TBC1D24: variants seen among roughly 807,000 people sequenced by gnomAD.
The protein encoded by TBC1D24 is Infantile myoclonic epilepsy.
In TBC1D24, 47 loss-of-function variants were observed where a neutral mutation model predicts 50.7. That is an observed-to-expected ratio of 0.93 (90% CI 0.73 to 1.18). TBC1D24 has a LOEUF of 1.18. Among genes scored for constraint, TBC1D24 ranks in the 50% most tolerant of loss-of-function variants. TBC1D24 has a pLI of 0.00. For missense variants in TBC1D24, 688 were observed against 766.5 expected (o/e 0.90, Z 1.21); for synonymous variants, 324 against 335.2 (o/e 0.97, Z 0.36).
At chr16:2,492,330 G>C (rs1722475502) in intron 1 of TBC1D24, among the ~76,000 whole-genome samples, 1 of 152,176 alleles carries the variant, frequency 6.6e-6, no homozygotes, top group Non-Finnish European at 1.5e-5. Flanking sequence ...ATTCGCGGCA[G>C]TAAACACAAC....
chr16:2,500,312 C>T lies in TBC1D24; in HGVS notation c.1347C>T (p.His449=). The change falls in exon 7 of 8, where the codon CAC becomes CAT. Residue 449 remains histidine, a synonymous_variant. Coordinates refer to ENST00000646147, the MANE Select transcript of TBC1D24 (RefSeq NM_001199107.2). This position sits in a 1 kb window ranked among gnomAD's most constrained non-coding sequence, Gnocchi z 8.0. ...GCTACGAGTGGGTGGTGATCAAGCA[C>T]CCCGAGCTGACCAAGCCCCCACCCT... ...VQRYEWVVIK[H]PELTKPPPLM... 3.7e-6 allele frequency: 6 copies of T among 1,610,928 alleles called. No individual in the cohort carries two copies. Among genetic ancestry groups the T allele is most frequent in the Non-Finnish European group, 5.1e-6 (6 of 1,179,170 alleles).
intron 1 of TBC1D24, among the ~76,000 whole-genome samples, chr16:2,495,101 C>A (rs1360280694): frequency 1.3e-5 from 2 of 151,772 alleles, no homozygotes. Flanking sequence ...ACTTGTAATC[C>A]CAGCACTTTG....
rs1041668652 is a variant in TBC1D24 at position 2,475,543 on chromosome 16, G to T, written c.-116+373G>T. Among the ~76,000 whole-genome samples the T allele has an allele frequency of 2.6e-5, 4 of 152,050 alleles. No individual in the cohort carries two copies. Among genetic ancestry groups the T allele is most frequent in the Non-Finnish European group, 5.9e-5 (4 of 67,952 alleles). On this transcript the variant is annotated intron_variant, in intron 1 of 7. Coordinates refer to ENST00000646147, the MANE Select transcript of TBC1D24 (RefSeq NM_001199107.2). This position sits in a 1 kb window ranked among gnomAD's most constrained non-coding sequence, Gnocchi z 4.2. ...CCGCAGGGTCGGAAATCCTCTTGGG[G>T]GCTCGGTGAGATTGCAACAGATTCT...
Position 2,496,118 on chromosome 16 carries a change from T to C in TBC1D24, c.-31T>C, listed in dbSNP as rs13339105. 18,847 of 1,613,014 alleles carry C rather than the reference T, an allele frequency of 0.012. 1,510 individuals are homozygous for C. In the African/African-American group the frequency reaches 0.19, roughly 16 times the overall value. On this transcript the variant is annotated 5_prime_UTR_variant, in exon 2 of 8. Transcript: ENST00000646147. ...CCACTCTGTCCTCCCCTTCCGGCAG[T>C]CCAGGGCCTCCTCCCGAGCACAGCG... is the stretch of plus-strand genomic sequence containing the variant.
At chr16:2,490,998 A>G (rs2065690857) in intron 1 of TBC1D24, among the ~76,000 whole-genome samples, 1 of 152,188 alleles carries the variant, frequency 6.6e-6, no homozygotes, top group Non-Finnish European at 1.5e-5. Flanking sequence ...CGGCCGTGAA[A>G]GCTCACCTCC....
chr16:2,492,564 T>C lies in TBC1D24; in HGVS notation c.-115-3470T>C, dbSNP rs1442636683. ...GTTCCTCCAGAGGCTAGTGGGCCCATAGCAGGGAAGGAGGGATGTAAGCTG... is the reference window on the plus strand; with the variant it reads ...GTTCCTCCAGAGGCTAGTGGGCCCACAGCAGGGAAGGAGGGATGTAAGCTG... On this transcript the variant is annotated intron_variant, in intron 1 of 7. Coordinates refer to ENST00000646147, the MANE Select transcript of TBC1D24 (RefSeq NM_001199107.2). Among the ~76,000 whole-genome samples, 3 of 152,102 alleles carry C rather than the reference T, an allele frequency of 2.0e-5. No homozygotes were observed. In the East Asian group the frequency reaches 5.8e-4, roughly 29 times the overall value.
intron 1 of TBC1D24, among the ~76,000 whole-genome samples, chr16:2,488,853 G>T (rs1272348220): frequency 6.9e-6 from 1 of 143,982 alleles, no homozygotes; most frequent in Non-Finnish European, 1.5e-5. Context: ...GAGGTCAGGA[G>T]ATCGAGACCA....
Position 2,500,260 on chromosome 16 carries a change from C to T in TBC1D24, c.1303-8C>T, listed in dbSNP as rs748950873. ...GCGCCAGCTCCTCACACTCCCCTTC[C>T]ACCCCAGCTGCAGCCTGAGGTGCAG... On this transcript the variant is annotated splice_polypyrimidine_tract_variant and splice_region_variant and intron_variant, in intron 6 of 7. Transcript: ENST00000646147. The surrounding 1 kb of genome is among the most constrained non-coding windows in gnomAD (Gnocchi z 8.0). 6.3e-7 allele frequency: 1 copy of T among 1,593,924 alleles called. No individual in the cohort carries two copies.
In TBC1D24 at chr16:2,498,231, C is replaced by T. The variant is rs1432999070; in HGVS notation, c.984-7C>T. On this transcript the variant is annotated splice_region_variant and splice_polypyrimidine_tract_variant and intron_variant, in intron 3 of 7. Transcript: ENST00000646147. The stretch of plus-strand genomic sequence containing the variant: ...TTCGGGCTCTGACCCCTGCTCGCTC[C>T]CCTCAGGCAGTTTGTACACTTGGCC... The T allele has an allele frequency of 1.9e-6, 3 of 1,603,022 alleles. No homozygotes were observed. The highest frequency in any genetic ancestry group is 8.5e-7 in the Non-Finnish European group (1 of 1,174,428).
rs754946588 is a variant in TBC1D24 at position 2,496,748 on chromosome 16, C to T, written c.600C>T (p.Ala200=). The T allele has an allele frequency of 8.7e-6, 14 of 1,613,754 alleles. No individual in the cohort carries two copies. Among genetic ancestry groups the T allele is most frequent in the African/African-American group, 1.3e-5 (1 of 74,940 alleles). Residue 200 remains alanine, a synonymous_variant, in exon 2 of 8, where the codon GCC becomes GCT. Transcript: ENST00000646147. ...AGGCGGCCCACAAGCTGATGGTGGC[C>T]GTGTCGGAGGATGTCCTGCAGGTCT... The part of the protein sequence containing the change: ...YCQAAHKLMV[A]VSEDVLQVYA...
rs953791358 is a variant in TBC1D24 at position 2,487,123 on chromosome 16, C to T, written c.-115-8911C>T. 6.6e-6 allele frequency among the ~76,000 whole-genome samples: 1 copy of T among 152,252 alleles called. No homozygotes were observed. The highest frequency in any genetic ancestry group is 2.4e-5 in the African/African-American group (1 of 41,470). ...AGCACTGCCAGGGCCGCCCAGCTCGCCTTCGCCCACTCTTGCCTCCACATC... is the reference window on the plus strand; with the variant it reads ...AGCACTGCCAGGGCCGCCCAGCTCGTCTTCGCCCACTCTTGCCTCCACATC... On this transcript the variant is annotated intron_variant, in intron 1 of 7. Coordinates refer to ENST00000646147, the MANE Select transcript of TBC1D24 (RefSeq NM_001199107.2). This position sits in a 1 kb window ranked among gnomAD's most constrained non-coding sequence, Gnocchi z 4.1.
At position 2,482,424 on chromosome 16, in the gene TBC1D24, G is replaced by A. The variant is rs1348679671; in HGVS notation, c.-116+7254G>A. 3.9e-5 allele frequency among the ~76,000 whole-genome samples: 6 copies of A among 152,202 alleles called. No homozygotes were observed. Among genetic ancestry groups the A allele is most frequent in the East Asian group, 1.9e-4 (1 of 5,200 alleles). ...CCATGGAGGCCTGTGAAGGAGGGGC[G>A]ATTGGACTGAGCAGAAAGCGAAAGG... On this transcript the variant is annotated intron_variant, in intron 1 of 7. Coordinates refer to ENST00000646147, the MANE Select transcript of TBC1D24 (RefSeq NM_001199107.2). This position sits in a 1 kb window ranked among gnomAD's most constrained non-coding sequence, Gnocchi z 5.2.
chr16:2,489,395 G>T (rs561529133), intron 1 of TBC1D24, among the ~76,000 whole-genome samples: 1 of 152,296 alleles, frequency 6.6e-6, no homozygotes, highest in South Asian at 2.1e-4. Context: ...TCGCGCCACT[G>T]CACTCCAGCT....
Position 2,494,527 on chromosome 16 carries a change from T to C in TBC1D24, c.-115-1507T>C, listed in dbSNP as rs1232268184. Among the ~76,000 whole-genome samples the C allele has an allele frequency of 4.6e-5, 7 of 152,228 alleles. No homozygotes were observed. The South Asian group carries it at 8.3e-4, about 18-fold the overall frequency. On this transcript the variant is annotated intron_variant, in intron 1 of 7. Transcript: ENST00000646147. ...GGGTGCAGGGTGGTGTTTAGGAGCC[T>C]GGAGTGGACCATGCTCGAGTGGAAA... is the stretch of plus-strand genomic sequence containing the variant.
chr16:2,496,768 A>G lies in TBC1D24; in HGVS notation c.620A>G (p.Gln207Arg). Reference sequence around the variant, plus strand: ...GTGGCCGTGTCGGAGGATGTCCTGCAGGTCTATGCGGACTGGCAGCGCTGG... The same window carrying G: ...GTGGCCGTGTCGGAGGATGTCCTGCGGGTCTATGCGGACTGGCAGCGCTGG... ...LMVAVSEDVL[Q>R]VYADWQRWLF... Residue 207 changes from glutamine (Q) to arginine (R), a missense_variant, in exon 2 of 8, where the codon CAG becomes CGG. Gln to Arg is a conservative substitution (Grantham distance 43). Transcript: ENST00000646147. The G allele has an allele frequency of 6.2e-7, 1 of 1,614,032 alleles. No homozygotes were observed. Among genetic ancestry groups the G allele is most frequent in the Non-Finnish European group, 8.5e-7 (1 of 1,180,036 alleles).
intron 1 of TBC1D24, among the ~76,000 whole-genome samples, chr16:2,492,748 G>T (rs2065705840): frequency 6.6e-6 from 1 of 152,152 alleles, no homozygotes; most frequent in Non-Finnish European, 1.5e-5. Context: ...TGGTCTTAAG[G>T]GTTTCTTTTC....
rs1185607615 is a variant in TBC1D24, at chr16:2,487,618, CTGGAGTTTGGTGT to C, written c.-115-8390_-115-8378del. On this transcript the variant is annotated intron_variant, in intron 1 of 7. Transcript: ENST00000646147. This position sits in a 1 kb window ranked among gnomAD's most constrained non-coding sequence, Gnocchi z 4.1. ...TGGAGTTTGGTGCTGGAGTTTTGTG[CTGGAGTTTGGTGT>C]TGGAGTTTGGTGTTGGAGTTTGGTG... Among the ~76,000 whole-genome samples, 59 of 147,766 alleles carry C rather than the reference CTGGAGTTTGGTGT, an allele frequency of 4.0e-4. 1 individual carries two copies. Among genetic ancestry groups the C allele is most frequent in the South Asian group, 2.1e-3 (10 of 4,748 alleles).
At chr16:2,495,516 C>T (rs2065729653) in intron 1 of TBC1D24, among the ~76,000 whole-genome samples, 1 of 151,988 alleles carries the variant, frequency 6.6e-6, no homozygotes, top group Admixed American at 6.6e-5. Context: ...GGCGGTGGCT[C>T]TCGTCTGTAA....
Position 2,496,431 on chromosome 16 carries a change from T to G in TBC1D24, c.283T>G (p.Phe95Val), listed in dbSNP as rs766477566. Residue 95 changes from phenylalanine to valine, a missense_variant, in exon 2 of 8, where the codon TTC (phenylalanine) becomes GTC (valine). Transcript: ENST00000646147. ...HSSSCLPLPE[F>V]VDNTQVPSYC... Reference sequence around the variant, plus strand: ...CAGCAGCTGCCTGCCGCTGCCCGAGTTCGTGGACAACACGCAGGTGCCCAG... The same window carrying G: ...CAGCAGCTGCCTGCCGCTGCCCGAGGTCGTGGACAACACGCAGGTGCCCAG... 6.2e-7 allele frequency: 1 copy of G among 1,612,762 alleles called. No homozygotes were observed. Among genetic ancestry groups the G allele is most frequent in the East Asian group, 2.2e-5 (1 of 44,886 alleles).
Sources: allele counts gnomAD v4.1 joint callset (sites outside exome capture counted in the v4.1 genomes callset), GRCh38; gene constraint gnomAD v4.1.1; non-coding constraint Gnocchi (gnomAD v3.1); transcripts MANE v1.5; gene names NCBI Gene and HGNC (gene_info 2026-07-23, HGNC 2026-07-21).